RAB11FIP1: variants seen among roughly 807,000 people sequenced by gnomAD.
RAB11FIP1 encodes rab11 family-interacting protein 1.
A neutral mutation model predicts 83.1 loss-of-function variants in RAB11FIP1; 49 were observed. The ratio of observed to expected loss-of-function variants is 0.59; its 90% CI spans 0.47 to 0.75. The LOEUF is 0.75. RAB11FIP1 is among the 30% of genes least tolerant of loss of function. RAB11FIP1 has a pLI of 0.00. For missense variants in RAB11FIP1, 1,536 were observed against 1,598.7 expected (o/e 0.96, Z 0.67); for synonymous variants, 670 against 656.0 (o/e 1.02, Z -0.33).
intron 1 of RAB11FIP1, among the ~76,000 whole-genome samples, chr8:37,892,955 G>T (rs565631559): frequency 2.0e-5 from 3 of 152,130 alleles, no homozygotes; most frequent in Non-Finnish European, 2.9e-5. Context: ...CCTCAGAGAG[G>T]CTACCTGCAA....
chr8:37,863,177 TA>T, intron 5 of RAB11FIP1, 64 bp from the exon 6 acceptor site: 1 of 1,314,154 alleles, frequency 7.6e-7, no homozygotes, highest in Non-Finnish European at 1.1e-6. Context: ...ACCTAAAACC[TA>T]AAAGAAGTAC....
intron 1 of RAB11FIP1, among the ~76,000 whole-genome samples, chr8:37,894,720 A>ATATATATATG (rs1807025586): frequency 1.4e-5 from 2 of 147,102 alleles, no homozygotes; most frequent in South Asian, 2.1e-4. Flanking sequence ...ACATATATAT[A>ATATATATATG]TACATATATA....
At chr8:37,895,672 G>A (rs1585451746) in intron 1 of RAB11FIP1, among the ~76,000 whole-genome samples, 1 of 151,812 alleles carries the variant, frequency 6.6e-6, no homozygotes, top group South Asian at 2.1e-4. Flanking sequence ...CTATTTATAT[G>A]TTAGCCTCTG....
chr8:37,897,367 C>G (rs1807109927), intron 1 of RAB11FIP1, among the ~76,000 whole-genome samples: 1 of 150,896 alleles, frequency 6.6e-6, no homozygotes. Flanking sequence ...ATATCTAAAA[C>G]ACACAAAGCA....
rs767271520 is a variant in RAB11FIP1, at chr8:37,871,434, G to C, written c.3368C>G (p.Thr1123Arg). 2 of 1,614,034 alleles carry C rather than the reference G, an allele frequency of 1.2e-6. No individual in the cohort carries two copies. Among genetic ancestry groups the C allele is most frequent in the African/African-American group, 2.7e-5 (2 of 74,908 alleles). ...SAHSDTHHTS[T>R]AESQKKATAE... ...TGTGGCTTTTTTTTGAGATTCTGCT[G>C]TGCTGGTGTGGTGAGTGTCAGAATG... The change falls in exon 4 of 6, where the codon ACA (threonine) becomes AGA (arginine). Residue 1123 changes from threonine to arginine, a missense_variant. Coordinates refer to ENST00000330843, the MANE Select transcript of RAB11FIP1 (RefSeq NM_001002814.3).
Position 37,872,069 on chromosome 8 carries a change from A to G in RAB11FIP1, c.2733T>C (p.Phe911=), listed in dbSNP as rs909161066. ...EASSAKDTPL[F]RMEGEDALVT... is the part of the protein sequence containing the mutation. ...CAAGGGCATCCTCTCCCTCCATCCT[A>G]AAGAGTGGAGTGTCTTTCGCTGAGC... Residue 911 remains phenylalanine (F), a synonymous_variant, in exon 4 of 6, where the codon TTT becomes TTC. Transcript: ENST00000330843. The G allele has an allele frequency of 1.9e-6, 3 of 1,613,990 alleles. No individual in the cohort carries two copies. Among genetic ancestry groups the G allele is most frequent in the African/African-American group, 1.3e-5 (1 of 75,004 alleles).
chr8:37,864,216 C>T (rs1806299085), intron 5 of RAB11FIP1, among the ~76,000 whole-genome samples: 1 of 152,240 alleles, frequency 6.6e-6, no homozygotes, highest in Non-Finnish European at 1.5e-5. Context: ...AGAGCACACA[C>T]CCTGCGGAGT....
Position 37,899,347 on chromosome 8 carries a change from GC to G in RAB11FIP1, c.94del (p.Ala32ProfsTer13). The G allele has an allele frequency of 6.2e-7, 1 of 1,607,336 alleles. No individual in the cohort carries two copies. The highest frequency in any genetic ancestry group is 8.5e-7 in the Non-Finnish European group (1 of 1,177,704). On this transcript the variant is annotated frameshift_variant, in exon 1 of 6. Coordinates refer to ENST00000330843, the MANE Select transcript of RAB11FIP1 (RefSeq NM_001002814.3). LOFTEE classifies it high-confidence loss of function. This position sits in a 1 kb window ranked among gnomAD's most constrained non-coding sequence, Gnocchi z 4.5. ...GTCGCTCGTGCCCCCGGGGCCCTTG[GC>G]CCGCAGGCCCCGCGCCTGCAGCACC... ...VTVLQARGLR[A>X]KGPGGTSDAY...
At chr8:37,896,586 A>G (rs1368555864) in intron 1 of RAB11FIP1, among the ~76,000 whole-genome samples, 1 of 152,188 alleles carries the variant, frequency 6.6e-6, no homozygotes, top group East Asian at 1.9e-4. Context: ...GAGTTATTGT[A>G]TAGGTTTAGG....
intron 5 of RAB11FIP1, among the ~76,000 whole-genome samples, chr8:37,864,625 AG>A (rs1014884493): frequency 8.5e-5 from 13 of 152,198 alleles, no homozygotes; most frequent in African/African-American, 2.9e-4. Context: ...CATCCTGGCT[AG>A]GAACAAAAGC....
Position 37,877,172 on chromosome 8 carries a change from C to T in RAB11FIP1, c.751G>A (p.Gly251Arg), listed in dbSNP as rs746885314. 27 of 1,614,000 alleles carry T rather than the reference C, an allele frequency of 1.7e-5. No homozygotes were observed. The highest frequency in any genetic ancestry group is 3.3e-5 in the Admixed American group (2 of 60,000). Reference sequence around the variant, plus strand: ...TCATCCCACTGGGACTGAAAGTCTCCGGGACGAAGCAGCACTTTTTCTGGC... The same window carrying T: ...TCATCCCACTGGGACTGAAAGTCTCTGGGACGAAGCAGCACTTTTTCTGGC... The part of the protein sequence containing the change: ...SKPEKVLLRP[G>R]DFQSQWDEDD... Residue 251 changes from glycine (G) to arginine (R), a missense_variant, in exon 2 of 6, where the codon GGA becomes AGA. Coordinates refer to ENST00000330843, the MANE Select transcript of RAB11FIP1 (RefSeq NM_001002814.3).
chr8:37,891,646 G>T (rs1405974574), intron 1 of RAB11FIP1, among the ~76,000 whole-genome samples: 2 of 152,152 alleles, frequency 1.3e-5, no homozygotes, highest in African/African-American at 4.8e-5. Flanking sequence ...TGTAACCAAA[G>T]GCAGTTTAAG....
intron 1 of RAB11FIP1, among the ~76,000 whole-genome samples, chr8:37,898,800 C>A (rs1390230846): frequency 3.4e-5 from 5 of 146,066 alleles, no homozygotes; most frequent in Non-Finnish European, 7.5e-5. Flanking sequence ...CACTCCAGCC[C>A]GGGCGACAGA....
intron 1 of RAB11FIP1, among the ~76,000 whole-genome samples, chr8:37,895,123 T>C (rs1367166583): frequency 7.2e-6 from 1 of 138,052 alleles, no homozygotes; most frequent in East Asian, 2.1e-4. Flanking sequence ...TGGAGTGCAG[T>C]AGCCTGATCA....
In RAB11FIP1 at chr8:37,874,810, TC is replaced by T; in HGVS notation, c.1326del (p.Lys443ArgfsTer25). 1 of 1,614,096 alleles carries T rather than the reference TC, an allele frequency of 6.2e-7. No homozygotes were observed. The highest frequency in any genetic ancestry group is 8.5e-7 in the Non-Finnish European group (1 of 1,180,004). On this transcript the variant is annotated frameshift_variant, in exon 3 of 6. Coordinates refer to ENST00000330843, the MANE Select transcript of RAB11FIP1 (RefSeq NM_001002814.3). LOFTEE classifies it high-confidence loss of function. ...RRSSLLSLMT[G>X]KKDVAKGSEG... ...TCACTGCCCTTAGCCACATCCTTCTTCCCCGTCATCAGAGACAGCAAAGAGG... is the reference window on the plus strand; with the variant it reads ...TCACTGCCCTTAGCCACATCCTTCTTCCCGTCATCAGAGACAGCAAAGAGG...
chr8:37,888,794 T>TC (rs1806887850), intron 1 of RAB11FIP1, among the ~76,000 whole-genome samples: 1 of 145,418 alleles, frequency 6.9e-6, no homozygotes, highest in Admixed American at 6.8e-5. Context: ...CTGCAACTTT[T>TC]TTTTTTTTTT....
chr8:37,862,752 A>G lies in RAB11FIP1; in HGVS notation c.*143T>C, dbSNP rs1806263069. The G allele has an allele frequency of 1.6e-6, 1 of 643,186 alleles. No homozygotes were observed. The highest frequency in any genetic ancestry group is 2.8e-5 in the Admixed American group (1 of 35,120). 39.8% of individuals were successfully genotyped at this position (643,186 alleles called of 1,614,324 possible). ...AATCATTAACCTGGCTTCCATTGGT[A>G]GAATTCACTCTTGCCGGATAACATG... On this transcript the variant is annotated 3_prime_UTR_variant, in exon 6 of 6. Transcript: ENST00000330843.
intron 1 of RAB11FIP1, among the ~76,000 whole-genome samples, chr8:37,884,924 C>T (rs1226890491): frequency 6.6e-6 from 1 of 151,858 alleles, no homozygotes; most frequent in Non-Finnish European, 1.5e-5. Context: ...CACACAGAAT[C>T]CTCTCACCTC....
intron 1 of RAB11FIP1, among the ~76,000 whole-genome samples, chr8:37,879,675 G>A (rs1343775326): frequency 6.6e-6 from 1 of 152,210 alleles, no homozygotes; most frequent in African/African-American, 2.4e-5. Flanking sequence ...TTGAGGTCAG[G>A]AGTTTGTGAC....
Sources: gnomAD v4.1 joint callset for allele counts (sites outside exome capture counted in the v4.1 genomes callset) on GRCh38, gnomAD v4.1.1 for gene constraint, Gnocchi (gnomAD v3.1) non-coding constraint, MANE v1.5 for transcripts, NCBI Gene and HGNC (gene_info 2026-07-23, HGNC 2026-07-21) for gene names.